Variants in CADPS2 observed in about 807,000 individuals in gnomAD.
CADPS2 encodes the protein calcium dependent secretion activator 2.
A neutral mutation model predicts 172.5 loss-of-function variants in CADPS2; 93 were observed. That is an observed-to-expected ratio of 0.54 (90% CI 0.46 to 0.64). The LOEUF (loss-of-function observed/expected upper bound fraction) is 0.64. Among genes scored for constraint, CADPS2 ranks in the 30% least tolerant of loss-of-function variants. The probability of loss-of-function intolerance (pLI) is 0.00; values close to 1 mark genes in which losing one functional copy is unlikely to be tolerated. For missense variants in CADPS2, 1,420 were observed against 1,565.9 expected, an observed-to-expected ratio of 0.91 and a Z score of 1.57; for synonymous variants, 546 against 555.2, an observed-to-expected ratio of 0.98 and a Z score of 0.23.
At chr7:122,701,850 C>T (rs747734819) in intron 2 of CADPS2, 2 of 1,590,934 alleles carry the variant, frequency 1.3e-6, no homozygotes, top group East Asian at 2.2e-5. Context: ...TTCAGGATGT[C>T]ACACTTGCAC....
chr7:122,395,577 T>G (rs1346525754), intron 20 of CADPS2: 1 of 152,208 alleles, frequency 6.6e-6, no homozygotes, highest in East Asian at 1.9e-4. Flanking sequence ...TAAATAAGCA[T>G]GCTAAACTTT....
intron 1 of CADPS2, among the ~76,000 whole-genome samples, chr7:122,781,271 T>C (rs1455379703): frequency 6.6e-6 from 1 of 152,212 alleles, no homozygotes; most frequent in Non-Finnish European, 1.5e-5. Context: ...GGATTTTCCA[T>C]GCAATTGCTA....
At chr7:122,529,000 A>G (rs1042993211) in intron 8 of CADPS2, among the ~76,000 whole-genome samples, 5 of 152,090 alleles carry the variant, frequency 3.3e-5, no homozygotes, top group Non-Finnish European at 5.9e-5. Flanking sequence ...CACTTTTATT[A>G]TTAATACCAA....
intron 1 of CADPS2, among the ~76,000 whole-genome samples, chr7:122,740,793 T>C (rs912903069): frequency 1.3e-5 from 2 of 151,982 alleles, no homozygotes; most frequent in African/African-American, 4.8e-5. Context: ...TCTAACCATA[T>C]AGAGAGTTCC....
chr7:122,441,642 G>A (rs2051369400), intron 15 of CADPS2, 67 bp from the exon 16 acceptor site: 2 of 968,984 alleles, frequency 2.1e-6, no homozygotes, highest in Admixed American at 3.2e-5. Flanking sequence ...AATAATTCCT[G>A]CTTGTATTAC....
In CADPS2 at chr7:122,565,198, C is replaced by T. The variant is rs144575997; in HGVS notation, c.1336-10509G>A. 1.5e-3 allele frequency among the ~76,000 whole-genome samples: 234 copies of T among 151,206 alleles called. 1 individual carries two copies. Among genetic ancestry groups the T allele is most frequent in the Middle Eastern group, 6.8e-3 (2 of 294 alleles). On this transcript the variant is annotated intron_variant, in intron 7 of 29. Transcript: ENST00000449022. ...CGCTATGCAGTATAACCATGTAACA[C>T]GACTGCACTTATACCCCCTGAATTT...
intron 3 of CADPS2, among the ~76,000 whole-genome samples, chr7:122,660,533 T>C (rs2080409243): frequency 6.6e-6 from 1 of 151,428 alleles, no homozygotes; most frequent in Admixed American, 6.6e-5. Flanking sequence ...TTAATCCAAC[T>C]ACATTAGTAA....
intron 8 of CADPS2, among the ~76,000 whole-genome samples, chr7:122,515,939 A>G (rs1418001355): frequency 1.4e-5 from 2 of 147,012 alleles, no homozygotes; most frequent in South Asian, 2.1e-4. Flanking sequence ...ATATATTTGG[A>G]AAAAAAACAT....
At chr7:122,640,830 A>G (rs1355368220) in intron 3 of CADPS2, among the ~76,000 whole-genome samples, 2 of 151,586 alleles carry the variant, frequency 1.3e-5, no homozygotes, top group African/African-American at 2.4e-5. Context: ...GCTACTCTGG[A>G]GGCTGAGGCA....
intron 1 of CADPS2, among the ~76,000 whole-genome samples, chr7:122,825,779 A>G (rs1804699685): frequency 2.0e-5 from 3 of 152,174 alleles, no homozygotes; most frequent in South Asian, 2.1e-4. Context: ...CCCAATGTTA[A>G]TGTTTTGCAA....
chr7:122,669,188 G>A (rs1031274477), intron 2 of CADPS2, among the ~76,000 whole-genome samples: 2 of 152,084 alleles, frequency 1.3e-5, no homozygotes, highest in African/African-American at 2.4e-5. Context: ...AAAATTAGCC[G>A]GGTGTAGTGG....
At chr7:122,563,371 T>C (rs1200443543) in intron 7 of CADPS2, among the ~76,000 whole-genome samples, 1 of 152,194 alleles carries the variant, frequency 6.6e-6, no homozygotes, top group Non-Finnish European at 1.5e-5. Flanking sequence ...TTGCCATTTA[T>C]GGAGAATCTA....
At chr7:122,446,665 G>A (rs190118367) in intron 15 of CADPS2, among the ~76,000 whole-genome samples, 246 of 152,266 alleles carry the variant, frequency 1.6e-3, no homozygotes, top group African/African-American at 5.1e-3. Context: ...CTTAACAGGA[G>A]ACTCCAGGGA....
chr7:122,805,317 G>A (rs1035661361), intron 1 of CADPS2, among the ~76,000 whole-genome samples: 6 of 152,036 alleles, frequency 3.9e-5, no homozygotes, highest in South Asian at 2.1e-4. Context: ...TTGCCACCAC[G>A]CCTAGCTAAT....
At chr7:122,737,216 T>C (rs1229402022) in intron 1 of CADPS2, 148 bp from the exon 2 acceptor site, 14 of 565,500 alleles carry the variant, frequency 2.5e-5, no homozygotes, top group Non-Finnish European at 4.1e-5. Flanking sequence ...ATCCTACTAC[T>C]TGTTCTAATG....
At chr7:122,880,304 T>G (rs1563241049) in intron 1 of CADPS2, among the ~76,000 whole-genome samples, 1 of 152,198 alleles carries the variant, frequency 6.6e-6, no homozygotes, top group African/African-American at 2.4e-5. Context: ...GTACAATGAA[T>G]AAAAGACAGT....
intron 8 of CADPS2, among the ~76,000 whole-genome samples, chr7:122,543,836 A>G (rs2063346863): frequency 6.6e-6 from 1 of 152,176 alleles, no homozygotes; most frequent in Admixed American, 6.6e-5. Context: ...AAGTAATGAA[A>G]TAAGAGTCAG....
chr7:122,391,775 T>C (rs899848246), intron 22 of CADPS2, among the ~76,000 whole-genome samples: 4 of 152,158 alleles, frequency 2.6e-5, no homozygotes, highest in African/African-American at 4.8e-5. Context: ...ATTGTGTGCA[T>C]ACCTGACTGG....
intron 8 of CADPS2, 136 bp from the exon 9 acceptor site, chr7:122,513,451 G>C (rs2060141785): frequency 1.5e-6 from 1 of 645,322 alleles, no homozygotes; most frequent in East Asian, 2.8e-5. Context: ...TGGAAAGTGA[G>C]ACAACCTGCA....
Sources: allele counts gnomAD v4.1 joint callset (sites outside exome capture counted in the v4.1 genomes callset), GRCh38; gene constraint gnomAD v4.1.1; transcripts MANE v1.5; gene names NCBI Gene and HGNC (gene_info 2026-07-23, HGNC 2026-07-21).